CFAP20DC: variants seen among roughly 807,000 people sequenced by gnomAD.
CFAP20DC encodes protein CFAP20DC.
Under a neutral mutation model 101.7 loss-of-function variants are expected in CFAP20DC, and 84 were observed. The ratio of observed to expected loss-of-function variants is 0.83; its 90% CI spans 0.69 to 0.99. The LOEUF (loss-of-function observed/expected upper bound fraction) is 0.99. Ranked by LOEUF, CFAP20DC falls within the 50% of genes least tolerant of loss-of-function variation. The probability of loss-of-function intolerance (pLI) is 0.00; values close to 1 mark genes in which losing one functional copy is unlikely to be tolerated. For missense variants in CFAP20DC, 1,007 were observed against 970.3 expected, an observed-to-expected ratio of 1.04 and a Z score of -0.50; for synonymous variants, 359 against 351.2, an observed-to-expected ratio of 1.02 and a Z score of -0.25.
At chr3:58,901,349 G>C (rs1443244812) in intron 6 of CFAP20DC, among the ~76,000 whole-genome samples, 2 of 152,154 alleles carry the variant, frequency 1.3e-5, no homozygotes, top group African/African-American at 4.8e-5. Flanking sequence ...ACAGGCTCTG[G>C]GGCAAGGCTT....
At chr3:58,920,709 C>T (rs2107531443) in intron 5 of CFAP20DC, among the ~76,000 whole-genome samples, 1 of 152,200 alleles carries the variant, frequency 6.6e-6, no homozygotes. Flanking sequence ...TGTTAAGGAG[C>T]CATATGTCCA....
At position 58,897,913 on chromosome 3, in the gene CFAP20DC, A is replaced by G. The variant is rs61481965; in HGVS notation, c.551-13204T>C. 0.1 allele frequency among the ~76,000 whole-genome samples: 15,271 copies of G among 152,074 alleles called. 2,529 individuals carry two copies. The highest frequency in any genetic ancestry group is 0.35 in the African/African-American group (14,396 of 41,422). On this transcript the variant is annotated intron_variant, in intron 6 of 16. Coordinates refer to ENST00000482387, the MANE Select transcript of CFAP20DC (RefSeq NM_001394063.1). The surrounding 1 kb of genome is among the most constrained non-coding windows in gnomAD (Gnocchi z 4.4). The stretch of plus-strand genomic sequence containing the variant: ...GGGGTTGTCTGCATTTCCTGAATTT[A>G]AATGTTGGCCTGGCTTACTAGGTTG...
chr3:58,916,331 A>G (rs902460617), intron 5 of CFAP20DC, among the ~76,000 whole-genome samples: 1 of 151,976 alleles, frequency 6.6e-6, no homozygotes, highest in Non-Finnish European at 1.5e-5. Context: ...AGCTGGTTAC[A>G]CCACCAGCTC....
intron 1 of CFAP20DC, among the ~76,000 whole-genome samples, chr3:59,047,535 C>T (rs1483193092): frequency 1.3e-5 from 2 of 152,114 alleles, no homozygotes; most frequent in Non-Finnish European, 2.9e-5. Flanking sequence ...GTGGGGGACT[C>T]GTTTACTTGA....
intron 15 of CFAP20DC, among the ~76,000 whole-genome samples, chr3:58,759,502 G>A (rs1371094894): frequency 6.6e-6 from 1 of 152,136 alleles, no homozygotes; most frequent in African/African-American, 2.4e-5. Flanking sequence ...CACTCTGATG[G>A]AAGTTTCTTT....
chr3:58,862,138 C>T (rs757097015), intron 12 of CFAP20DC: 8 of 950,680 alleles, frequency 8.4e-6, no homozygotes, highest in Non-Finnish European at 1.0e-5. Flanking sequence ...TCATAGTTTT[C>T]CAGAGAACTA....
At chr3:58,933,460 A>G (rs983596392) in intron 5 of CFAP20DC, among the ~76,000 whole-genome samples, 1 of 152,228 alleles carries the variant, frequency 6.6e-6, no homozygotes, top group Non-Finnish European at 1.5e-5. Flanking sequence ...CCAAATCAAC[A>G]GAATACACAT....
intron 14 of CFAP20DC, among the ~76,000 whole-genome samples, chr3:58,808,840 C>G (rs886346780): frequency 6.6e-5 from 10 of 152,078 alleles, no homozygotes; most frequent in South Asian, 2.1e-4. Context: ...CAGAGACACA[C>G]ATAGGCTCAA....
intron 4 of CFAP20DC, among the ~76,000 whole-genome samples, chr3:59,036,817 T>C (rs2094112402): frequency 1.3e-5 from 2 of 152,196 alleles, no homozygotes; most frequent in Admixed American, 1.3e-4. Flanking sequence ...AGAGCCCATA[T>C]AGCCAAAACA....
intron 5 of CFAP20DC, among the ~76,000 whole-genome samples, chr3:58,919,256 T>A (rs1007113716): frequency 6.7e-6 from 1 of 149,330 alleles, no homozygotes; most frequent in Non-Finnish European, 1.5e-5. Flanking sequence ...ATATTGGTAG[T>A]TTTTTTTTTA....
At chr3:58,947,891 A>C (rs1418982253) in intron 4 of CFAP20DC, among the ~76,000 whole-genome samples, 1 of 152,228 alleles carries the variant, frequency 6.6e-6, no homozygotes. Flanking sequence ...ACTTCTGAAG[A>C]CATGTACAGA....
At chr3:58,725,981 A>G (rs2067544222) in intron 3 of CFAP20DC, 1 of 152,658 alleles carries the variant, frequency 6.6e-6, no homozygotes, top group Admixed American at 6.5e-5. Flanking sequence ...CTGAGTTAAA[A>G]GAGTAGCACA....
intron 16 of CFAP20DC, among the ~76,000 whole-genome samples, chr3:58,744,952 GACTCTGGGC>G (rs2068094815): frequency 6.6e-6 from 1 of 152,176 alleles, no homozygotes; most frequent in Non-Finnish European, 1.5e-5. Context: ...GAGCTTCTGT[GACTCTGGGC>G]TGCAGCAGTT....
rs1169998055 is a variant in CFAP20DC at position 58,912,649 on chromosome 3, A to G, written c.550+1059T>C. On this transcript the variant is annotated intron_variant, in intron 6 of 16. Transcript: ENST00000482387. The surrounding 1 kb of genome is among the most constrained non-coding windows in gnomAD (Gnocchi z 4.4). Reference sequence around the variant, plus strand: ...ATAATAATCCCAGATGAAAATCAAAAGGAGGCATCAGTATTCTTTCAATAC... The same window carrying G: ...ATAATAATCCCAGATGAAAATCAAAGGGAGGCATCAGTATTCTTTCAATAC... 2.3e-6 allele frequency: 1 copy of G among 426,644 alleles called. No homozygotes were observed. Among genetic ancestry groups the G allele is most frequent in the Non-Finnish European group, 4.6e-6 (1 of 217,796 alleles). 26.4% of individuals were successfully genotyped at this position (426,644 alleles called of 1,614,324 possible).
intron 7 of CFAP20DC, among the ~76,000 whole-genome samples, chr3:58,870,749 G>A (rs867445865): frequency 1.3e-5 from 2 of 148,218 alleles, no homozygotes; most frequent in African/African-American, 4.9e-5. Flanking sequence ...TTAGCCAGGC[G>A]CGGTGGCGGG....
intron 16 of CFAP20DC, 47 bp from the exon 17 acceptor site, chr3:58,742,619 G>A (rs989927231): frequency 5.6e-6 from 8 of 1,437,474 alleles, no homozygotes; most frequent in Admixed American, 3.8e-5. Flanking sequence ...GGCTTGGCCC[G>A]GAATCCCCAA....
intron 4 of CFAP20DC, chr3:58,992,751 C>T (rs1183159037): frequency 6.2e-6 from 1 of 162,522 alleles, no homozygotes; most frequent in Non-Finnish European, 1.3e-5. Context: ...ATTTGTTGCT[C>T]TTACTGCATG....
At chr3:58,851,994 T>C (rs551518581) in intron 12 of CFAP20DC, among the ~76,000 whole-genome samples, 1 of 152,286 alleles carries the variant, frequency 6.6e-6, no homozygotes, top group African/African-American at 2.4e-5. Flanking sequence ...AATAAGCAGA[T>C]GTTCTTGTTC....
intron 5 of CFAP20DC, among the ~76,000 whole-genome samples, chr3:58,934,692 T>C (rs1268328466): frequency 6.6e-6 from 1 of 152,202 alleles, no homozygotes; most frequent in East Asian, 1.9e-4. Flanking sequence ...TTTCAATAGA[T>C]GCAGAAAAGG....
Sources: gnomAD v4.1 joint callset for allele counts (sites outside exome capture counted in the v4.1 genomes callset) on GRCh38, gnomAD v4.1.1 for gene constraint, Gnocchi (gnomAD v3.1) non-coding constraint, MANE v1.5 for transcripts, NCBI Gene and HGNC (gene_info 2026-07-23, HGNC 2026-07-21) for gene names.